Variants in INVS observed in about 807,000 individuals in gnomAD.
The protein encoded by INVS is inversion of embryo turning homolog.
In INVS, 86 loss-of-function variants were observed where a neutral mutation model predicts 108.8. The observed-to-expected ratio is 0.79, with a 90% CI of 0.66 to 0.95. The LOEUF (loss-of-function observed/expected upper bound fraction) is 0.95, where lower values mean the gene tolerates loss of function less well. Among genes scored for constraint, INVS ranks in the 40% least tolerant of loss-of-function variants. The pLI, the probability that INVS is intolerant of heterozygous loss-of-function variation, is 0.00. For missense variants in INVS, 1,169 were observed against 1,297.4 expected (o/e 0.90, Z 1.52); for synonymous variants, 455 against 473.5 (o/e 0.96, Z 0.51).
At chr9:100,100,597 TAC>T (rs1261316300) in intron 1 of INVS, among the ~76,000 whole-genome samples, 4 of 90,964 alleles carry the variant, frequency 4.4e-5, no homozygotes, top group South Asian at 2.8e-4. Context: ...ATAATATATG[TAC>T]ATATAATATA....
At chr9:100,233,701 T>C (rs1342026320) in intron 5 of INVS, among the ~76,000 whole-genome samples, 1 of 152,232 alleles carries the variant, frequency 6.6e-6, no homozygotes, top group Non-Finnish European at 1.5e-5. Flanking sequence ...GAATCAGCCT[T>C]GCATCCCAGG....
intron 2 of INVS, among the ~76,000 whole-genome samples, chr9:100,122,831 G>A (rs577368611): frequency 2.1e-3 from 313 of 151,926 alleles, no homozygotes; most frequent in Admixed American, 3.2e-3. Flanking sequence ...TGATTCGCCC[G>A]CCTTGGCCTC....
intron 3 of INVS, among the ~76,000 whole-genome samples, chr9:100,180,916 A>T (rs550369168): frequency 1.9e-4 from 29 of 152,344 alleles, no homozygotes; most frequent in Admixed American, 3.9e-4. Flanking sequence ...CAGCACATCA[A>T]AAAGCTTATC....
At chr9:100,206,031 A>G (rs11794753) in intron 3 of INVS, among the ~76,000 whole-genome samples, 10,822 of 152,196 alleles carry the variant, frequency 0.071, 536 homozygotes, top group Non-Finnish European at 0.1. Context: ...TATAGGATAT[A>G]AACAGATAAT....
At position 100,286,543 on chromosome 9, in the gene INVS, A is replaced by T. The variant is rs1291781953; in HGVS notation, c.2068+1940A>T. 2.0e-5 allele frequency among the ~76,000 whole-genome samples: 3 copies of T among 152,302 alleles called. No homozygotes were observed. The East Asian group carries it at 5.8e-4, about 29-fold the overall frequency. On this transcript the variant is annotated intron_variant, in intron 13 of 16. Coordinates refer to ENST00000262457, the MANE Select transcript of INVS (RefSeq NM_014425.5). ...GTGACAGTGAGACTCTGTCTCAAAA[A>T]ATATATATATCTAAAATGAATATAA...
chr9:100,170,822 A>G lies in INVS; in HGVS notation c.273+44273A>G, dbSNP rs1829514558. Among the ~76,000 whole-genome samples, 3 of 152,212 alleles carry G rather than the reference A, an allele frequency of 2.0e-5. No homozygotes were observed. The South Asian group carries it at 6.2e-4, about 31-fold the overall frequency. On this transcript the variant is annotated intron_variant, in intron 3 of 16. Transcript: ENST00000262457. ...CACTGTGCTAAGTTATGGAAATACA[A>G]CCATGACAGGGACTATCCTGCCCTC...
intron 6 of INVS, among the ~76,000 whole-genome samples, chr9:100,242,071 T>C (rs1450060400): frequency 6.6e-6 from 1 of 152,152 alleles, no homozygotes; most frequent in African/African-American, 2.4e-5. Flanking sequence ...TAATAAAAGA[T>C]TGTGGAAAGG....
chr9:100,111,810 T>TA (rs960034585), intron 2 of INVS, among the ~76,000 whole-genome samples: 3 of 152,136 alleles, frequency 2.0e-5, no homozygotes, highest in Non-Finnish European at 4.4e-5. Flanking sequence ...GTAGGGTGGA[T>TA]AGATAAAGGC....
At chr9:100,137,995 T>G (rs554102391) in intron 3 of INVS, among the ~76,000 whole-genome samples, 117 of 152,338 alleles carry the variant, frequency 7.7e-4, no homozygotes, top group African/African-American at 2.5e-3. Context: ...TTTAAAAGAC[T>G]GAGAGTCAAC....
intron 1 of INVS, among the ~76,000 whole-genome samples, chr9:100,103,264 A>G (rs1827061675): frequency 6.6e-6 from 1 of 152,230 alleles, no homozygotes; most frequent in Non-Finnish European, 1.5e-5. Context: ...GGTTCAAGTG[A>G]AACTTCCACC....
At chr9:100,141,364 G>A (rs1318431165) in intron 3 of INVS, among the ~76,000 whole-genome samples, 4 of 152,134 alleles carry the variant, frequency 2.6e-5, no homozygotes, top group African/African-American at 4.8e-5. Flanking sequence ...TTAAAAGACC[G>A]TTAGTCCATT....
chr9:100,189,481 A>C (rs938212339), intron 3 of INVS, among the ~76,000 whole-genome samples: 4 of 150,540 alleles, frequency 2.7e-5, no homozygotes, highest in African/African-American at 9.8e-5. Context: ...TCTTGATTTC[A>C]TTGTTAACTC....
intron 1 of INVS, chr9:100,102,569 A>C (rs1023019780): frequency 2.1e-4 from 32 of 152,114 alleles, no homozygotes; most frequent in African/African-American, 7.7e-4. Flanking sequence ...GCCAGGTGTG[A>C]TGGCACATGC....
At chr9:100,225,726 A>G (rs562942717) in intron 3 of INVS, among the ~76,000 whole-genome samples, 222 of 150,732 alleles carry the variant, frequency 1.5e-3, no homozygotes, top group African/African-American at 5.2e-3. Context: ...ATGTGAAAAA[A>G]GATGTACAGT....
intron 10 of INVS, among the ~76,000 whole-genome samples, chr9:100,254,776 A>T (rs1358804225): frequency 6.6e-6 from 1 of 152,108 alleles, no homozygotes; most frequent in African/African-American, 2.4e-5. Flanking sequence ...ATTGGTGTAT[A>T]TCTCTGTTTA....
At position 100,252,905 on chromosome 9, in the gene INVS, A is replaced by G; in HGVS notation, c.1235-2A>G. 1 of 1,609,042 alleles carries G rather than the reference A, an allele frequency of 6.2e-7. No homozygotes were observed. Among genetic ancestry groups the G allele is most frequent in the Non-Finnish European group, 8.5e-7 (1 of 1,175,552 alleles). On this transcript the variant is annotated splice_acceptor_variant, in intron 9 of 16. Transcript: ENST00000262457. LOFTEE classifies it high-confidence loss of function. ...ATTCTCATTATATTTGTGCTTTTCC[A>G]GGTGGAGCAAGGGTAGATCTAGTTG...
Position 100,300,755 on chromosome 9 carries a change from A to G in INVS, c.*81A>G, listed in dbSNP as rs533762850. The G allele has an allele frequency of 1.0e-5, 10 of 991,454 alleles. No homozygotes were observed. The African/African-American group carries it at 1.4e-4, about 14-fold the overall frequency. The allele number at this position is 991,454 out of a possible 1,614,324, so 61.4% of individuals were successfully genotyped here. Reference sequence around the variant, plus strand: ...AGATTTTCTGCTGATAATCTTTTACACCTTGGGAAAACTTTAATATCCGTA... The same window carrying G: ...AGATTTTCTGCTGATAATCTTTTACGCCTTGGGAAAACTTTAATATCCGTA... On this transcript the variant is annotated 3_prime_UTR_variant, in exon 17 of 17. Transcript: ENST00000262457.
intron 5 of INVS, among the ~76,000 whole-genome samples, chr9:100,231,713 A>G (rs1469742503): frequency 6.6e-6 from 1 of 152,126 alleles, no homozygotes; most frequent in Non-Finnish European, 1.5e-5. Context: ...ATAGTATTCC[A>G]TGGTGTATAT....
At chr9:100,193,271 C>A (rs1170189204) in intron 3 of INVS, among the ~76,000 whole-genome samples, 3 of 152,068 alleles carry the variant, frequency 2.0e-5, no homozygotes, top group East Asian at 1.9e-4. Context: ...TCAGTCATTG[C>A]GCCCAGTCAG....
Sources: gnomAD v4.1 joint callset for allele counts (sites outside exome capture counted in the v4.1 genomes callset) on GRCh38, gnomAD v4.1.1 for gene constraint, MANE v1.5 for transcripts, NCBI Gene and HGNC (gene_info 2026-07-23, HGNC 2026-07-21) for gene names.